The following GALNT14 variants were observed in gnomAD, a reference collection of about 807,000 sequenced individuals.
GALNT14 encodes polypeptide N-acetylgalactosaminyltransferase 14.
Under a neutral mutation model 77.5 loss-of-function variants are expected in GALNT14, and 60 were observed. The ratio of observed to expected loss-of-function variants is 0.77; its 90% confidence interval spans 0.63 to 0.96. The LOEUF (loss-of-function observed/expected upper bound fraction) is 0.96. GALNT14 is among the 40% of genes least tolerant of loss of function. The pLI, the probability that GALNT14 is intolerant of heterozygous loss-of-function variation, is 0.00. For synonymous variants in GALNT14, 280 were observed against 281.7 expected, an observed-to-expected ratio of 0.99 and a Z score of 0.06; for missense variants, 710 against 731.0, an observed-to-expected ratio of 0.97 and a Z score of 0.33.
At position 31,089,206 on chromosome 2, in the gene GALNT14, C is replaced by T. The variant is rs184458467; in HGVS notation, c.129+48752G>A. ...TCCTATAGCATTTGCAATCTCAACT[C>T]GAGTGGGACATCTGATTAGCTCGTC... is the stretch of plus-strand genomic sequence containing the variant. On this transcript the variant is annotated intron_variant, in intron 1 of 14. Transcript: ENST00000349752. 2.6e-5 allele frequency among the ~76,000 whole-genome samples: 4 copies of T among 152,266 alleles called. No individual in the cohort carries two copies. The East Asian group carries it at 5.8e-4, about 22-fold the overall frequency.
intron 1 of GALNT14, among the ~76,000 whole-genome samples, chr2:31,046,622 GGAAACTT>G (rs74271023): frequency 0.43 from 65,220 of 151,784 alleles, 14,315 homozygotes; most frequent in East Asian, 0.55. Context: ...TTATGTAGTT[GGAAACTT>G]ATGAATGTAG....
chr2:31,080,561 C>T (rs971580506), intron 1 of GALNT14, among the ~76,000 whole-genome samples: 2 of 152,152 alleles, frequency 1.3e-5, no homozygotes, highest in African/African-American at 2.4e-5. Context: ...TCTTTAAAAA[C>T]AAATCACTAC....
In GALNT14 at chr2:31,138,323, A is replaced by C. The variant is rs1428639493; in HGVS notation, c.-237T>G. 2.3e-5 allele frequency: 11 copies of C among 483,754 alleles called. No homozygotes were observed. Among genetic ancestry groups the C allele is most frequent in the Admixed American group, 8.1e-5 (2 of 24,704 alleles). The allele number at this position is 483,754 out of a possible 1,614,324, so 30.0% of individuals were successfully genotyped here. A position where few individuals can be genotyped will look rare whatever the true frequency, so the allele number is the denominator to read the frequency against. On this transcript the variant is annotated 5_prime_UTR_variant, in exon 1 of 15. Transcript: ENST00000349752. Reference sequence around the variant, plus strand: ...TGGCAGGGAAGGACCGAGGGCAGCCAAGCTGGACGCCCGCTCCAGCGGGAG... The same window carrying C: ...TGGCAGGGAAGGACCGAGGGCAGCCCAGCTGGACGCCCGCTCCAGCGGGAG...
intron 1 of GALNT14, among the ~76,000 whole-genome samples, chr2:31,050,780 T>G (rs888101903): frequency 2.0e-5 from 3 of 151,290 alleles, no homozygotes; most frequent in African/African-American, 7.3e-5. Context: ...TTTTGTTTTT[T>G]TTTTTTTTTC....
intron 1 of GALNT14, among the ~76,000 whole-genome samples, chr2:31,005,115 T>C (rs1258845897): frequency 6.6e-6 from 1 of 152,074 alleles, no homozygotes; most frequent in East Asian, 1.9e-4. Context: ...AGGAAAAGGG[T>C]AAAGAACGGA....
intron 1 of GALNT14, among the ~76,000 whole-genome samples, chr2:31,008,592 C>CCAGG (rs2148435837): frequency 6.7e-6 from 1 of 150,332 alleles, no homozygotes; most frequent in East Asian, 2.0e-4. Flanking sequence ...TTAAGGCTTT[C>CCAGG]CAGGCAGAAA....
rs951252823 is a variant in GALNT14, at chr2:30,924,752, T to C, written c.1223A>G (p.Tyr408Cys). 38 of 1,613,864 alleles carry C rather than the reference T, an allele frequency of 2.4e-5. No individual in the cohort carries two copies. Among genetic ancestry groups the C allele is most frequent in the Non-Finnish European group, 2.9e-5 (34 of 1,179,908 alleles). Residue 408 changes from tyrosine (Y) to cysteine (C), a missense_variant, in exon 12 of 15, where the codon TAC becomes TGC. Physicochemically the swap from Tyr to Cys is radical, Grantham distance 194. Coordinates refer to ENST00000349752, the MANE Select transcript of GALNT14 (RefSeq NM_024572.4). The part of the protein sequence containing the change: ...QSFKWYLENI[Y>C]PELSIPKESS... ...GTAGGACGGATACCTGAGTTCAGGG[T>C]AGATATTCTCCAGGTACCACTTGAA...
chr2:30,914,313 C>T (rs1664541674), intron 13 of GALNT14, among the ~76,000 whole-genome samples: 1 of 152,272 alleles, frequency 6.6e-6, no homozygotes, highest in African/African-American at 2.4e-5. Context: ...AGAGTTAGGG[C>T]CGGCTCTGAG....
intron 2 of GALNT14, among the ~76,000 whole-genome samples, chr2:30,988,521 G>A (rs13009241): frequency 0.27 from 40,321 of 152,092 alleles, 5,540 homozygotes; most frequent in East Asian, 0.38. Flanking sequence ...CAAAGTCTCC[G>A]CAGAGCCCGA....
At chr2:30,988,791 C>T (rs61702987) in intron 2 of GALNT14, among the ~76,000 whole-genome samples, 29,329 of 152,198 alleles carry the variant, frequency 0.19, 3,079 homozygotes, top group Admixed American at 0.3. Context: ...ACTCCACCCC[C>T]AGAGTTTCTG....
intron 3 of GALNT14, among the ~76,000 whole-genome samples, chr2:30,964,391 C>T (rs1035194217): frequency 3.9e-5 from 6 of 152,216 alleles, no homozygotes; most frequent in Admixed American, 6.5e-5. Flanking sequence ...ATGCCCCAGA[C>T]GCTCCTCCCC....
rs758960914 is a variant in GALNT14, at chr2:30,992,970, A to G, written c.167T>C (p.Phe56Ser). Residue 56 changes from phenylalanine (F) to serine (S), a missense_variant, in exon 2 of 15, where the codon TTT becomes TCT. Phe to Ser is a radical substitution (Grantham distance 155). Transcript: ENST00000349752. ...DADWDDLWDQ[F>S]DERRYLNAKK... Reference sequence around the variant, plus strand: ...GGCATTCAGATACCGCCGCTCATCAAACTGGTCCCACAGGTCGTCCCAGTC... The same window carrying G: ...GGCATTCAGATACCGCCGCTCATCAGACTGGTCCCACAGGTCGTCCCAGTC... 4 of 1,614,038 alleles carry G rather than the reference A, an allele frequency of 2.5e-6. No homozygotes were observed. The highest frequency in any genetic ancestry group is 2.7e-5 in the African/African-American group (2 of 74,918).
Position 31,120,658 on chromosome 2 carries a change from G to T in GALNT14, c.129+17300C>A, listed in dbSNP as rs569839597. ...TGCAACCTCTGCCTCCTGGGCTCAA[G>T]TGATTCTCCTGCCTCAGCCTCCTGA... is the stretch of plus-strand genomic sequence containing the variant. On this transcript the variant is annotated intron_variant, in intron 1 of 14. Coordinates refer to ENST00000349752, the MANE Select transcript of GALNT14 (RefSeq NM_024572.4). 2.2e-3 allele frequency among the ~76,000 whole-genome samples: 337 copies of T among 152,280 alleles called. 2 individuals are homozygous for T. The highest frequency in any genetic ancestry group is 7.8e-3 in the African/African-American group (326 of 41,542).
rs758089860 is a variant in GALNT14, at chr2:31,137,986, G to A, written c.101C>T (p.Pro34Leu). The A allele has an allele frequency of 2.5e-6, 4 of 1,613,628 alleles. No homozygotes were observed. The highest frequency in any genetic ancestry group is 2.5e-6 in the Non-Finnish European group (3 of 1,179,722). The stretch of plus-strand genomic sequence containing the variant: ...AGGGGTCTGCACTTCAGGTCCCGTC[G>A]GCACCTCCAACTTCCTCTTGGTTAC... ...FWVTKRKLEV[P>L]TGPEVQTPKP... Residue 34 changes from proline to leucine, a missense_variant, in exon 1 of 15, where the codon CCG becomes CTG. Pro to Leu is a moderately conservative substitution (Grantham distance 98, BLOSUM62 -3). Coordinates refer to ENST00000349752, the MANE Select transcript of GALNT14 (RefSeq NM_024572.4).
chr2:30,959,381 G>C (rs1294493047), intron 3 of GALNT14, among the ~76,000 whole-genome samples: 2 of 152,152 alleles, frequency 1.3e-5, no homozygotes, highest in African/African-American at 4.8e-5. Flanking sequence ...GTCTAGCACA[G>C]AGCCTTGGTC....
At chr2:31,092,214 G>GA (rs1676780293) in intron 1 of GALNT14, among the ~76,000 whole-genome samples, 1 of 151,656 alleles carries the variant, frequency 6.6e-6, no homozygotes, top group African/African-American at 2.4e-5. Flanking sequence ...TCTATTGTGG[G>GA]ACCTCACCTT....
chr2:31,048,590 A>ACCC (rs1673632253), intron 1 of GALNT14, among the ~76,000 whole-genome samples: 2 of 96,388 alleles, frequency 2.1e-5, no homozygotes, highest in African/African-American at 4.0e-5. Flanking sequence ...CTGCCTCCCC[A>ACCC]CCCCCACTCC....
At chr2:31,003,472 C>T (rs925845433) in intron 1 of GALNT14, among the ~76,000 whole-genome samples, 4 of 152,332 alleles carry the variant, frequency 2.6e-5, no homozygotes, top group Admixed American at 1.3e-4. Context: ...GCTGTGGCAT[C>T]TCTGAGCCCC....
chr2:31,123,968 G>A (rs1157847936), intron 1 of GALNT14, among the ~76,000 whole-genome samples: 2 of 152,200 alleles, frequency 1.3e-5, no homozygotes, highest in East Asian at 1.9e-4. Context: ...GAGGAACACA[G>A]TGTTCGGGAA....
Sources: gnomAD v4.1 joint callset for allele counts (sites outside exome capture counted in the v4.1 genomes callset) on GRCh38, gnomAD v4.1.1 for gene constraint, MANE v1.5 for transcripts, NCBI Gene and HGNC (gene_info 2026-07-23, HGNC 2026-07-21) for gene names.